SNTG1: variants seen among roughly 807,000 people sequenced by gnomAD.
The protein encoded by SNTG1 is gamma-1-syntrophin.
In SNTG1, 39 loss-of-function variants were observed where a neutral mutation model predicts 74.7. The ratio of observed to expected loss-of-function variants is 0.52; its 90% CI spans 0.40 to 0.68. The LOEUF (loss-of-function observed/expected upper bound fraction) is 0.68, where lower values mean the gene tolerates loss of function less well. Among genes scored for constraint, SNTG1 ranks in the 30% least tolerant of loss-of-function variants. The pLI, the probability that SNTG1 is intolerant of heterozygous loss-of-function variation, is 0.00. For missense variants in SNTG1, 685 were observed against 609.5 expected (o/e 1.12, Z -1.30); for synonymous variants, 254 against 217.1 (o/e 1.17, Z -1.49).
At chr8:50,790,591 G>A (rs560740977) in intron 18 of SNTG1, among the ~76,000 whole-genome samples, 1 of 151,912 alleles carries the variant, frequency 6.6e-6, no homozygotes, top group East Asian at 1.9e-4. Context: ...TGACACCCTA[G>A]GAGTGGAAAT....
At chr8:50,382,278 G>A (rs570841083) in intron 2 of SNTG1, 1 of 151,842 alleles carries the variant, frequency 6.6e-6, no homozygotes, top group Non-Finnish European at 1.5e-5. Flanking sequence ...CAAATGAAGT[G>A]TTTTCCTTAT....
chr8:50,446,027 T>G (rs1374718181), intron 5 of SNTG1, among the ~76,000 whole-genome samples: 1 of 152,184 alleles, frequency 6.6e-6, no homozygotes, highest in African/African-American at 2.4e-5. Context: ...CAGTGCATGC[T>G]GACATCCTTC....
intron 2 of SNTG1, among the ~76,000 whole-genome samples, chr8:50,185,582 A>G (rs185608199): frequency 6.6e-6 from 1 of 152,202 alleles, no homozygotes; most frequent in African/African-American, 2.4e-5. Context: ...TGCTATGATA[A>G]ATATAAATGT....
intron 4 of SNTG1, among the ~76,000 whole-genome samples, chr8:50,432,956 AT>A (rs1385616196): frequency 2.6e-5 from 4 of 151,256 alleles, no homozygotes; most frequent in African/African-American, 9.8e-5. Context: ...TGCTCGGCTA[AT>A]TTTTTCTATT....
intron 2 of SNTG1, among the ~76,000 whole-genome samples, chr8:50,386,857 G>A (rs1244699345): frequency 6.6e-6 from 1 of 152,020 alleles, no homozygotes; most frequent in African/African-American, 2.4e-5. Context: ...TTCCACACTA[G>A]GGATCCCATT....
intron 1 of SNTG1, among the ~76,000 whole-genome samples, chr8:50,142,158 G>A (rs2081682452): frequency 6.6e-6 from 1 of 151,796 alleles, no homozygotes; most frequent in Non-Finnish European, 1.5e-5. Context: ...CTGTAATATT[G>A]TTATCTAAAC....
At chr8:50,167,951 A>G (rs1467193286) in intron 1 of SNTG1, among the ~76,000 whole-genome samples, 2 of 152,116 alleles carry the variant, frequency 1.3e-5, no homozygotes, top group East Asian at 3.8e-4. Flanking sequence ...TTTAAAAATT[A>G]CCTTAGATAA....
chr8:50,734,887 ATATATATG>A (rs2095523489), intron 17 of SNTG1, among the ~76,000 whole-genome samples: 1 of 138,950 alleles, frequency 7.2e-6, no homozygotes, highest in African/African-American at 2.7e-5. Flanking sequence ...ATATATATCT[ATATATATG>A]GACATATATA....
At chr8:50,681,361 T>A (rs899076445) in intron 15 of SNTG1, among the ~76,000 whole-genome samples, 2 of 152,144 alleles carry the variant, frequency 1.3e-5, no homozygotes, top group African/African-American at 4.8e-5. Flanking sequence ...ATTACATATA[T>A]AAATAATGGC....
intron 2 of SNTG1, among the ~76,000 whole-genome samples, chr8:50,295,063 A>G (rs568929597): frequency 1.3e-5 from 2 of 152,354 alleles, no homozygotes; most frequent in African/African-American, 2.4e-5. Flanking sequence ...GTATATACCT[A>G]TGGAGGTACT....
At chr8:50,366,798 A>G (rs2092124815) in intron 2 of SNTG1, among the ~76,000 whole-genome samples, 1 of 146,346 alleles carries the variant, frequency 6.8e-6, no homozygotes, top group African/African-American at 2.5e-5. Context: ...ATATAATACT[A>G]TAATAAAATA....
At chr8:50,613,899 G>A (rs962385906) in intron 13 of SNTG1, among the ~76,000 whole-genome samples, 1 of 152,082 alleles carries the variant, frequency 6.6e-6, no homozygotes, top group Non-Finnish European at 1.5e-5. Flanking sequence ...AATAAAAGTT[G>A]TAAAATAAAA....
intron 1 of SNTG1, among the ~76,000 whole-genome samples, chr8:50,085,867 T>C (rs1004099037): frequency 6.6e-6 from 1 of 152,196 alleles, no homozygotes; most frequent in Non-Finnish European, 1.5e-5. Flanking sequence ...AAGCCTTGTG[T>C]TGGACCACTG....
chr8:50,303,636 A>G (rs1027417588), intron 2 of SNTG1, among the ~76,000 whole-genome samples: 2 of 152,018 alleles, frequency 1.3e-5, no homozygotes, highest in Non-Finnish European at 2.9e-5. Context: ...TTTACAATGC[A>G]TATGCTTTGG....
chr8:50,602,873 G>T (rs2094785048), intron 13 of SNTG1, among the ~76,000 whole-genome samples: 1 of 149,528 alleles, frequency 6.7e-6, no homozygotes, highest in Non-Finnish European at 1.5e-5. Flanking sequence ...TCAGCTGCCA[G>T]ATGTATTGGA....
chr8:50,753,954 A>G (rs972663557), intron 18 of SNTG1, among the ~76,000 whole-genome samples: 3 of 151,982 alleles, frequency 2.0e-5, no homozygotes, highest in Admixed American at 6.6e-5. Flanking sequence ...AACAACAATA[A>G]TGCTAGACAA....
intron 13 of SNTG1, among the ~76,000 whole-genome samples, chr8:50,596,089 G>A (rs1459983888): frequency 6.6e-6 from 1 of 151,942 alleles, no homozygotes; most frequent in South Asian, 2.1e-4. Context: ...ATTGACACTA[G>A]CAGGGTAAAG....
At chr8:50,740,891 A>G (rs1490049917) in intron 17 of SNTG1, among the ~76,000 whole-genome samples, 1 of 152,102 alleles carries the variant, frequency 6.6e-6, no homozygotes, top group Non-Finnish European at 1.5e-5. Flanking sequence ...ATACAAGAAC[A>G]GAAAACCAAA....
chr8:50,590,384 A>C (rs557734768), intron 12 of SNTG1, among the ~76,000 whole-genome samples: 2 of 152,270 alleles, frequency 1.3e-5, no homozygotes, highest in South Asian at 4.1e-4. Flanking sequence ...TTCTTATAAA[A>C]TGTCATTGAT....
Sources: gnomAD v4.1 joint callset for allele counts (sites outside exome capture counted in the v4.1 genomes callset) on GRCh38, gnomAD v4.1.1 for gene constraint, MANE v1.5 for transcripts, NCBI Gene and HGNC (gene_info 2026-07-23, HGNC 2026-07-21) for gene names.